The following MFSD12 variants were observed in gnomAD, a reference collection of about 807,000 sequenced individuals.
MFSD12 encodes major facilitator superfamily domain containing 12.
Under a neutral mutation model 51.2 loss-of-function variants are expected in MFSD12, and 67 were observed. That is an observed-to-expected ratio of 1.31 (90% confidence interval 1.08 to 1.60). The LOEUF (loss-of-function observed/expected upper bound fraction) is 1.60, where lower values mean the gene tolerates loss of function less well. Among genes scored for constraint, MFSD12 ranks in the 40% most tolerant of loss-of-function variants. The pLI, the probability that MFSD12 is intolerant of heterozygous loss-of-function variation, is 0.00. For missense variants in MFSD12, 921 were observed against 673.0 expected (o/e 1.37, Z -4.08); for synonymous variants, 441 against 316.7 (o/e 1.39, Z -4.17).
chr19:3,557,350 G>A lies in MFSD12; in HGVS notation c.54C>T (p.Ser18=), dbSNP rs769717973. 2.0e-6 allele frequency: 3 copies of A among 1,529,888 alleles called. No homozygotes were observed. The highest frequency in any genetic ancestry group is 2.4e-5 in the South Asian group (2 of 81,650). 94.8% of individuals were successfully genotyped at this position (1,529,888 alleles called of 1,614,324 possible). The change falls in exon 1 of 10, where the codon TCC becomes TCT. Residue 18 remains serine (S), a synonymous_variant. Transcript: ENST00000355415. The part of the protein sequence containing the change: ...AGAAPSPRPL[S]LVARLSYAVG... ...CGGCGTAGCTCAGCCGCGCCACCAG[G>A]GACAGCGGCCGCGGGGACGGCGCCG...
chr19:3,543,464 A>G, downstream of MFSD12: 1 of 1,529,250 alleles, frequency 6.5e-7, no homozygotes, highest in South Asian at 1.2e-5. Context: ...TGAGTGCAGC[A>G]TGCCATCGGG....
At chr19:3,550,840 G>A (rs1599836083) in intron 2 of MFSD12, 144 bp downstream of exon 2, 1 of 689,612 alleles carries the variant, frequency 1.5e-6, no homozygotes, top group East Asian at 2.7e-5. Context: ...GCAACAGAGT[G>A]AGACCCCCTT....
Position 3,544,718 on chromosome 19 carries a change from G to A in MFSD12, c.1435C>T (p.Arg479Trp), listed in dbSNP as rs201727429. The A allele has an allele frequency of 2.2e-4, 356 of 1,601,732 alleles. 1 individual carries two copies. The highest frequency in any genetic ancestry group is 1.3e-3 in the African/African-American group (95 of 74,822). Residue 479 changes from arginine (R) to tryptophan (W), a missense_variant, in exon 10 of 10, where the codon CGG becomes TGG. Transcript: ENST00000355415. ...TRLRRWDRDA[R>W]P Reference sequence around the variant, plus strand: ...CAGGAGGCTGTCAGGAGTCAGGGCCGGGCATCACGGTCCCCTGCAAGGGAG... The same window carrying A: ...CAGGAGGCTGTCAGGAGTCAGGGCCAGGCATCACGGTCCCCTGCAAGGGAG...
In MFSD12 at chr19:3,544,714, G is replaced by C. The variant is rs2030799625; in HGVS notation, c.1439C>G (p.Pro480Arg). Residue 480 changes from proline (P) to arginine (R), a missense_variant, in exon 10 of 10, where the codon CCC becomes CGC. Pro to Arg is a moderately radical substitution (Grantham distance 103). Transcript: ENST00000355415. ...RLRRWDRDAR[P>R] ...GGTGCAGGAGGCTGTCAGGAGTCAG[G>C]GCCGGGCATCACGGTCCCCTGCAAG... 6.2e-7 allele frequency: 1 copy of C among 1,601,622 alleles called. No homozygotes were observed. Among genetic ancestry groups the C allele is most frequent in the Non-Finnish European group, 8.5e-7 (1 of 1,172,614 alleles).
At chr19:3,543,307 G>A (rs553412514), downstream of MFSD12, 34 of 1,549,128 alleles carry the variant, frequency 2.2e-5, no homozygotes, top group South Asian at 9.5e-5. Context: ...GGAAGTACAC[G>A]CCCATGGGAC....
chr19:3,544,704 C>T lies in MFSD12; in HGVS notation c.*6G>A, dbSNP rs1384310314. 5.6e-6 allele frequency: 9 copies of T among 1,597,528 alleles called. No homozygotes were observed. The highest frequency in any genetic ancestry group is 1.3e-5 in the African/African-American group (1 of 74,356). On this transcript the variant is annotated 3_prime_UTR_variant, in exon 10 of 10. Transcript: ENST00000355415. ...CCCTTGCACAGGTGCAGGAGGCTGT[C>T]AGGAGTCAGGGCCGGGCATCACGGT...
chr19:3,550,962 G>T, intron 2 of MFSD12, 22 bp downstream of exon 2: 1 of 1,605,074 alleles, frequency 6.2e-7, no homozygotes, highest in South Asian at 1.1e-5. Context: ...CTGCCCGTGG[G>T]GGAGGGTGCC....
At chr19:3,543,795 T>TG (rs1379619466), downstream of MFSD12, 16 of 1,498,374 alleles carry the variant, frequency 1.1e-5, no homozygotes, top group South Asian at 1.3e-5. Flanking sequence ...GGCGAGGAGG[T>TG]GGGGGCACAT....
chr19:3,551,745 C>T lies in MFSD12; in HGVS notation c.299-551G>A, dbSNP rs1481003708. 1.3e-5 allele frequency among the ~76,000 whole-genome samples: 2 copies of T among 152,174 alleles called. No homozygotes were observed. The highest frequency in any genetic ancestry group is 4.8e-5 in the African/African-American group (2 of 41,436). ...CCTCAGAAGAAAACCCCTAAGATAC[C>T]CTGGAACAAATGTAAGATCCTCCCC... On this transcript the variant is annotated intron_variant, in intron 1 of 9. Coordinates refer to ENST00000355415, the MANE Select transcript of MFSD12 (RefSeq NM_174983.5). This position sits in a 1 kb window ranked among gnomAD's most constrained non-coding sequence, Gnocchi z 4.6.
In MFSD12 at chr19:3,538,707, C is replaced by T. The variant is rs182127550; in HGVS notation, c.*55G>A. 183 of 474,356 alleles carry T rather than the reference C, an allele frequency of 3.9e-4. 4 individuals are homozygous for T. Among genetic ancestry groups the T allele is most frequent in the South Asian group, 2.2e-3 (143 of 64,618 alleles). 29.4% of individuals were successfully genotyped at this position (474,356 alleles called of 1,614,324 possible). A position where few individuals can be genotyped will look rare whatever the true frequency, so the allele number is the denominator to read the frequency against. ...ACTGGGTGTTCGGTGTTCTCCGCCT[C>T]GGGCTGTCACAAATCGTGCTGCTGT... On this transcript the variant is annotated 3_prime_UTR_variant, in exon 5 of 5. Coordinates refer to the MFSD12 transcript ENST00000398558.
intron 4 of MFSD12, chr19:3,539,145 C>T: frequency 1.3e-6 from 2 of 1,509,954 alleles, no homozygotes; most frequent in South Asian, 1.2e-5. Context: ...CCTCAGAGGC[C>T]TTCTGGCAGG....
At chr19:3,545,046 A>C in intron 8 of MFSD12, 107 bp from the exon 9 acceptor site, 1 of 1,416,468 alleles carries the variant, frequency 7.1e-7, no homozygotes, top group South Asian at 1.4e-5. Context: ...CGTCCTGTCC[A>C]ATCCAGGAGC....
At chr19:3,546,847 T>C (rs1599827414) in intron 6 of MFSD12, among the ~76,000 whole-genome samples, 1 of 151,864 alleles carries the variant, frequency 6.6e-6, no homozygotes, top group South Asian at 2.1e-4. Context: ...GCTTTTTTTT[T>C]CTGGAGACAA....
intron 1 of MFSD12, among the ~76,000 whole-genome samples, chr19:3,553,452 G>A (rs1303131890): frequency 6.5e-5 from 9 of 138,348 alleles, no homozygotes; most frequent in African/African-American, 2.2e-4. Context: ...CAGCCTGGGC[G>A]ACAGAGCGAG....
downstream of MFSD12, chr19:3,542,763 G>C (rs748809865): frequency 7.4e-7 from 1 of 1,357,374 alleles, no homozygotes; most frequent in African/African-American, 1.5e-5. Flanking sequence ...GTTTACAAGC[G>C]TGAGCCACAC....
chr19:3,542,955 C>A (rs770042410), downstream of MFSD12: 1 of 1,517,004 alleles, frequency 6.6e-7, no homozygotes, highest in South Asian at 1.1e-5. Flanking sequence ...CCTCTCCCCT[C>A]CCTCTTCTCC....
At chr19:3,545,084 G>T in intron 8 of MFSD12, 145 bp from the exon 9 acceptor site, 2 of 1,101,546 alleles carry the variant, frequency 1.8e-6, no homozygotes, top group Non-Finnish European at 2.5e-6. Context: ...CCTCCCTCCT[G>T]TCCCACACCC....
intron 8 of MFSD12, 33 bp downstream of exon 8, chr19:3,546,041 C>CAAAAG (rs1446666098): frequency 3.7e-6 from 6 of 1,609,026 alleles, no homozygotes; most frequent in Non-Finnish European, 5.1e-6. Flanking sequence ...TCTTACTGAA[C>CAAAAG]AAAAGAATGA....
At chr19:3,549,047 G>A (rs2031297364) in intron 2 of MFSD12, among the ~76,000 whole-genome samples, 1 of 152,180 alleles carries the variant, frequency 6.6e-6, no homozygotes, top group Non-Finnish European at 1.5e-5. Context: ...TCTGAAATAC[G>A]CGGGAGAGAA....
Sources: gnomAD v4.1 joint callset for allele counts (sites outside exome capture counted in the v4.1 genomes callset) on GRCh38, gnomAD v4.1.1 for gene constraint, Gnocchi (gnomAD v3.1) non-coding constraint, MANE v1.5 for transcripts, NCBI Gene and HGNC (gene_info 2026-07-23, HGNC 2026-07-21) for gene names.